CEP63: variants seen among roughly 807,000 people sequenced by gnomAD.
The protein encoded by CEP63 is centrosomal protein of 63 kDa.
In CEP63, 84 loss-of-function variants were observed where a neutral mutation model predicts 89.1. The observed-to-expected ratio is 0.94, with a 90% confidence interval of 0.79 to 1.13. CEP63 has a LOEUF of 1.13. CEP63 is among the 50% of genes most tolerant of loss of function. The probability of loss-of-function intolerance (pLI) is 0.00; values close to 1 mark genes in which losing one functional copy is unlikely to be tolerated. For synonymous variants in CEP63, 267 were observed against 272.5 expected, an observed-to-expected ratio of 0.98 and a Z score of 0.20; for missense variants, 838 against 813.3, an observed-to-expected ratio of 1.03 and a Z score of -0.37.
At chr3:134,759,271 T>C in the CEP63 span, among the ~76,000 whole-genome samples, 1 of 152,234 alleles carries the variant, frequency 6.6e-6, no homozygotes, top group South Asian at 2.1e-4. Context: ...TGCCTTATTA[T>C]AAGATTAGAC....
At chr3:134,486,371 C>G (rs530075828) in intron 1 of CEP63, 169 bp downstream of exon 1, 60 of 985,636 alleles carry the variant, frequency 6.1e-5, no homozygotes, top group African/African-American at 2.6e-4. Context: ...CAACGGCCTG[C>G]GAACCACCAG....
chr3:134,781,333 T>C, the CEP63 span, among the ~76,000 whole-genome samples: 14 of 152,328 alleles, frequency 9.2e-5, no homozygotes, highest in South Asian at 2.1e-3. Flanking sequence ...ACACAGTATA[T>C]CTCTCCAGTT....
chr3:134,544,277 T>C (rs1952699564), intron 6 of CEP63, among the ~76,000 whole-genome samples: 1 of 152,186 alleles, frequency 6.6e-6, no homozygotes, highest in Admixed American at 6.5e-5. Flanking sequence ...TCATCTTCAA[T>C]GTGTAGATGA....
intron 12 of CEP63, 113 bp downstream of exon 12, chr3:134,552,125 A>C: frequency 1.6e-6 from 1 of 612,402 alleles, no homozygotes; most frequent in African/African-American, 1.9e-5. Context: ...CTTTTGCAGA[A>C]ATTTTCTCAA....
At chr3:134,518,327 A>C (rs1946662059) in intron 3 of CEP63, among the ~76,000 whole-genome samples, 1 of 152,224 alleles carries the variant, frequency 6.6e-6, no homozygotes, top group Non-Finnish European at 1.5e-5. Context: ...ATTAATCTAA[A>C]TAGAACATTG....
the CEP63 span, among the ~76,000 whole-genome samples, chr3:134,649,700 C>T: frequency 6.6e-6 from 1 of 152,214 alleles, no homozygotes; most frequent in African/African-American, 2.4e-5. Context: ...TTTCTTTCCC[C>T]TGCCTGCCTT....
At chr3:134,603,443 T>G in the CEP63 span, 1 of 737,604 alleles carries the variant, frequency 1.4e-6, no homozygotes, top group Non-Finnish European at 2.2e-6. Context: ...GTGGCAGAGG[T>G]GGGACACTGA....
the CEP63 span, among the ~76,000 whole-genome samples, chr3:134,616,684 T>G: frequency 0.018 from 2,682 of 152,290 alleles, 79 homozygotes; most frequent in African/African-American, 0.06. Flanking sequence ...CAGGCCAGAA[T>G]AGGGCCATTG....
At chr3:134,495,579 A>G (rs1198562897) in intron 2 of CEP63, among the ~76,000 whole-genome samples, 2 of 152,210 alleles carry the variant, frequency 1.3e-5, no homozygotes, top group Non-Finnish European at 2.9e-5. Flanking sequence ...TTAAAGTTTA[A>G]GGAACCTTAC....
chr3:134,730,209 T>A, the CEP63 span, among the ~76,000 whole-genome samples: 2 of 152,242 alleles, frequency 1.3e-5, no homozygotes, highest in Non-Finnish European at 2.9e-5. Context: ...TCCCATATGA[T>A]AATTTTATTT....
At chr3:134,569,635 A>AT (rs1204359696), downstream of CEP63, among the ~76,000 whole-genome samples, 2 of 152,120 alleles carry the variant, frequency 1.3e-5, no homozygotes, top group African/African-American at 4.8e-5. Context: ...ATGGGCTGGC[A>AT]TTGAGAGACT....
chr3:134,685,240 C>T, the CEP63 span, among the ~76,000 whole-genome samples: 7 of 152,030 alleles, frequency 4.6e-5, no homozygotes, highest in South Asian at 4.2e-4. Flanking sequence ...ATTTAAACTA[C>T]GTTGAGATGA....
At chr3:134,544,639 G>GGGC (rs1952819107) in intron 6 of CEP63, among the ~76,000 whole-genome samples, 1 of 150,172 alleles carries the variant, frequency 6.7e-6, no homozygotes, top group South Asian at 2.1e-4. Flanking sequence ...CTCTAGGTGG[G>GGGC]GGGGGGAATT....
At chr3:134,689,367 T>C in the CEP63 span, among the ~76,000 whole-genome samples, 2 of 152,124 alleles carry the variant, frequency 1.3e-5, no homozygotes, top group African/African-American at 4.8e-5. Context: ...CAGAAGGCAA[T>C]TGAGTCACAT....
downstream of CEP63, among the ~76,000 whole-genome samples, chr3:134,588,169 T>C (rs533831701): frequency 2.5e-4 from 38 of 152,258 alleles, no homozygotes; most frequent in African/African-American, 8.7e-4. Flanking sequence ...GGCACGTACC[T>C]GTAATCTCAG....
At chr3:134,704,268 C>T in the CEP63 span, among the ~76,000 whole-genome samples, 2 of 152,294 alleles carry the variant, frequency 1.3e-5, no homozygotes, top group South Asian at 4.1e-4. Context: ...TCCCCACTGC[C>T]ATGTACTTCT....
intron 3 of CEP63, among the ~76,000 whole-genome samples, chr3:134,523,449 G>A (rs556401998): frequency 1.4e-4 from 21 of 152,088 alleles, no homozygotes; most frequent in African/African-American, 4.6e-4. Flanking sequence ...TGTCTTTGTC[G>A]TGAAATCTTT....
chr3:134,623,119 C>G, the CEP63 span, among the ~76,000 whole-genome samples: 57 of 152,252 alleles, frequency 3.7e-4, no homozygotes, highest in African/African-American at 1.4e-3. Flanking sequence ...CCTGACTTAG[C>G]CTTCTACTTC....
chr3:134,667,466 G>A, the CEP63 span, among the ~76,000 whole-genome samples: 1 of 152,204 alleles, frequency 6.6e-6, no homozygotes, highest in Admixed American at 6.5e-5. Flanking sequence ...GGGCACCTGG[G>A]TTGTTTCCAG....
Sources: gnomAD v4.1 joint callset for allele counts (sites outside exome capture counted in the v4.1 genomes callset) on GRCh38, gnomAD v4.1.1 for gene constraint, MANE v1.5 for transcripts, NCBI Gene and HGNC (gene_info 2026-07-23, HGNC 2026-07-21) for gene names.